NLRP2: variants seen among roughly 807,000 people sequenced by gnomAD.
The protein encoded by NLRP2 is NLR family pyrin domain containing 2.
Under a neutral mutation model 97.2 loss-of-function variants are expected in NLRP2, and 107 were observed. The observed-to-expected ratio is 1.10, with a 90% confidence interval of 0.94 to 1.29. The LOEUF (loss-of-function observed/expected upper bound fraction) is 1.29. NLRP2 is among the 50% of genes most tolerant of loss of function. NLRP2 has a pLI of 0.00. For synonymous variants in NLRP2, 663 were observed against 551.5 expected, an observed-to-expected ratio of 1.20 and a Z score of -2.83; for missense variants, 1,495 against 1,330.3, an observed-to-expected ratio of 1.12 and a Z score of -1.93.
chr19:54,971,869 C>A (rs2070877069), intron 2 of NLRP2, among the ~76,000 whole-genome samples: 1 of 152,126 alleles, frequency 6.6e-6, no homozygotes, highest in African/African-American at 2.4e-5. Flanking sequence ...CACTCTGTCA[C>A]CCAGGCTGGA....
chr19:54,982,440 A>T lies in NLRP2; in HGVS notation c.742A>T (p.Arg248Trp), dbSNP rs143026800. 10 of 1,614,182 alleles carry T rather than the reference A, an allele frequency of 6.2e-6. No homozygotes were observed. In the African/African-American group the frequency reaches 1.3e-4, roughly 22 times the overall value. The change falls in exon 6 of 13, where the codon AGG (arginine) becomes TGG (tryptophan). Residue 248 changes from arginine (R) to tryptophan (W), a missense_variant. Physicochemically the swap from Arg to Trp is moderately radical, Grantham distance 101. Transcript: ENST00000448584. ...CAAATATGCGTTCTACCTCAGCTGC[A>T]GGGAGCTCAGCCGCCTGGGCCCGTG... ...KFKYAFYLSC[R>W]ELSRLGPCSF...
At chr19:54,987,522 A>C (rs1002594682) in intron 8 of NLRP2, among the ~76,000 whole-genome samples, 4 of 152,160 alleles carry the variant, frequency 2.6e-5, no homozygotes, top group African/African-American at 9.6e-5. Flanking sequence ...TGGGTGGATC[A>C]CTTGAGGTCA....
At chr19:54,999,264 C>T (rs145137812) in intron 12 of NLRP2, among the ~76,000 whole-genome samples, 1,575 of 152,338 alleles carry the variant, frequency 0.01, 14 homozygotes, top group Non-Finnish European at 0.016. Flanking sequence ...TCTCCTCCCT[C>T]AGCCTCCCAA....
intron 2 of NLRP2, among the ~76,000 whole-genome samples, chr19:54,971,378 A>T (rs2070843433): frequency 6.6e-6 from 1 of 152,068 alleles, no homozygotes; most frequent in Non-Finnish European, 1.5e-5. Context: ...CTAGTTCTAG[A>T]TCCCTGAGGA....
chr19:54,994,750 A>C (rs2072712752), intron 11 of NLRP2, among the ~76,000 whole-genome samples: 1 of 151,744 alleles, frequency 6.6e-6, no homozygotes, highest in Non-Finnish European at 1.5e-5. Flanking sequence ...AGCTGGGATT[A>C]CAGGCGCCCG....
chr19:54,977,828 G>A lies in NLRP2; in HGVS notation c.397+5G>A, dbSNP rs771187148. 10 of 1,613,418 alleles carry A rather than the reference G, an allele frequency of 6.2e-6. No individual in the cohort carries two copies. The highest frequency in any genetic ancestry group is 5.9e-6 in the Non-Finnish European group (7 of 1,179,910). The stretch of plus-strand genomic sequence containing the variant: ...GCTTCAAAACAGAAGCACAAGGTGG[G>A]TGTCAGGACCTCCAATGTTGGAGTC... On this transcript the variant is annotated splice_donor_5th_base_variant and intron_variant, in intron 4 of 12. Coordinates refer to ENST00000448584, the MANE Select transcript of NLRP2 (RefSeq NM_017852.5).
At chr19:54,968,218 C>T (rs1182054711) in intron 1 of NLRP2, among the ~76,000 whole-genome samples, 1 of 151,268 alleles carries the variant, frequency 6.6e-6, no homozygotes, top group African/African-American at 2.4e-5. Context: ...GCACCCGGCC[C>T]TGTTGTTTTT....
chr19:54,982,097 T>C (rs768589881), intron 5 of NLRP2, 65 bp from the exon 6 acceptor site: 1 of 1,604,096 alleles, frequency 6.2e-7, no homozygotes, highest in Non-Finnish European at 8.5e-7. Context: ...CATTTTGTTA[T>C]TTTGGTTTTC....
intron 3 of NLRP2, among the ~76,000 whole-genome samples, chr19:54,975,106 G>GTTTTGTTTTTT (rs2071120773): frequency 1.7e-5 from 1 of 58,674 alleles, no homozygotes; most frequent in Non-Finnish European, 3.5e-5. Flanking sequence ...ACCCGGTTTT[G>GTTTTGTTTTTT]TTTTTTTTTT....
At chr19:54,992,771 C>G (rs188542395) in intron 10 of NLRP2, among the ~76,000 whole-genome samples, 15 of 151,852 alleles carry the variant, frequency 9.9e-5, no homozygotes, top group African/African-American at 3.6e-4. Flanking sequence ...GTTGGTCAAG[C>G]TGGTCTCGAA....
intron 3 of NLRP2, among the ~76,000 whole-genome samples, chr19:54,975,744 G>GC (rs2071192215): frequency 6.6e-6 from 1 of 150,724 alleles, no homozygotes; most frequent in South Asian, 2.1e-4. Context: ...GAGCCACCGC[G>GC]CCCGGCCCCT....
At chr19:54,994,610 A>G (rs1037919854) in intron 11 of NLRP2, among the ~76,000 whole-genome samples, 171 bp downstream of exon 11, 3 of 151,698 alleles carry the variant, frequency 2.0e-5, no homozygotes. Context: ...GTCTATGTCT[A>G]AGTTTTTGTT....
chr19:54,993,765 A>G, intron 10 of NLRP2: 1 of 250,270 alleles, frequency 4.0e-6, no homozygotes, highest in East Asian at 9.9e-5. Context: ...GCTACTCGGA[A>G]GGCTGGGGCA....
chr19:54,982,826 C>A lies in NLRP2; in HGVS notation c.1128C>A (p.Asp376Glu). ...TCCTGAGACACTTTGGAGACGAGGA[C>A]CAAGCCATGCGTGCCTTTGAGCTAA... is the stretch of plus-strand genomic sequence containing the variant. ...AYFLRHFGDE[D>E]QAMRAFELMR... is the part of the protein sequence containing the mutation. Residue 376 changes from aspartate to glutamate, a missense_variant, in exon 6 of 13, where the codon GAC becomes GAA. Coordinates refer to ENST00000448584, the MANE Select transcript of NLRP2 (RefSeq NM_017852.5). 2 of 1,613,688 alleles carry A rather than the reference C, an allele frequency of 1.2e-6. No individual in the cohort carries two copies. The highest frequency in any genetic ancestry group is 1.1e-5 in the South Asian group (1 of 91,054).
chr19:54,979,777 A>G (rs1244238330), intron 4 of NLRP2, among the ~76,000 whole-genome samples: 4 of 152,040 alleles, frequency 2.6e-5, no homozygotes, highest in African/African-American at 9.7e-5. Flanking sequence ...TTCCTGGCAC[A>G]CAATCTTTTT....
chr19:54,998,025 CT>C (rs757893808), intron 12 of NLRP2, among the ~76,000 whole-genome samples: 4,676 of 127,188 alleles, frequency 0.037, 99 homozygotes, highest in South Asian at 0.066. Flanking sequence ...TTTTTTCTTT[CT>C]TTTTTTTTTT....
intron 6 of NLRP2, among the ~76,000 whole-genome samples, chr19:54,984,172 G>A (rs7255584): frequency 0.13 from 18,844 of 149,846 alleles, 1,781 homozygotes; most frequent in African/African-American, 0.27. Flanking sequence ...TTTAAGACAG[G>A]GTCTTGCTGT....
intron 6 of NLRP2, among the ~76,000 whole-genome samples, chr19:54,984,329 G>GTTTTTTTTTTTTTTTTTTTTTTTT (rs200366059): frequency 4.9e-4 from 39 of 79,662 alleles, no homozygotes; most frequent in African/African-American, 1.1e-3. Context: ...TTTTTTTTGT[G>GTTTTTTTTTTTTTTTTTTTTTTTT]TTTTTTTTTT....
chr19:54,982,255 C>CT lies in NLRP2; in HGVS notation c.558dup (p.Glu187Ter). 1 of 1,614,072 alleles carries CT rather than the reference C, an allele frequency of 6.2e-7. No individual in the cohort carries two copies. The highest frequency in any genetic ancestry group is 8.5e-7 in the Non-Finnish European group (1 of 1,180,006). Reference sequence around the variant, plus strand: ...GATAGCAAAGAGGTCCAGGTTATGGCTGAGAGATACAAGATGCTGATCCCA... The same window carrying CT: ...GATAGCAAAGAGGTCCAGGTTATGGCTTGAGAGATACAAGATGCTGATCCCA... On this transcript the variant is annotated frameshift_variant, in exon 6 of 13. Transcript: ENST00000448584. LOFTEE classifies it high-confidence loss of function.
Sources: gnomAD v4.1 joint callset for allele counts (sites outside exome capture counted in the v4.1 genomes callset) on GRCh38, gnomAD v4.1.1 for gene constraint, MANE v1.5 for transcripts, NCBI Gene and HGNC (gene_info 2026-07-23, HGNC 2026-07-21) for gene names.